The following VWC2 variants were observed in gnomAD, a reference collection of about 807,000 sequenced individuals.
VWC2 encodes the protein von Willebrand factor C domain containing 2.
Under a neutral mutation model 29.8 loss-of-function variants are expected in VWC2, and 14 were observed. The ratio of observed to expected loss-of-function variants is 0.47; its 90% CI spans 0.31 to 0.74. The LOEUF is 0.74. Ranked by LOEUF, VWC2 falls within the 30% of genes least tolerant of loss-of-function variation. VWC2 has a pLI of 0.05. For missense variants in VWC2, 457 were observed against 459.8 expected (o/e 0.99, Z 0.05); for synonymous variants, 213 against 199.0 (o/e 1.07, Z -0.59).
chr7:49,802,242 A>G (rs908965194), intron 2 of VWC2, among the ~76,000 whole-genome samples: 1 of 152,190 alleles, frequency 6.6e-6, no homozygotes, highest in African/African-American at 2.4e-5. Context: ...CAACTCACCA[A>G]ACACCCAGCA....
chr7:49,915,044 T>G lies in VWC2; in HGVS notation c.*2859T>G, dbSNP rs189147711. 6.6e-6 allele frequency: 1 copy of G among 152,220 alleles called. No individual in the cohort carries two copies. Among genetic ancestry groups the G allele is most frequent in the Admixed American group, 6.5e-5 (1 of 15,268 alleles). The allele number at this position is 152,220 out of a possible 1,614,324, so 9.4% of individuals were successfully genotyped here. On this transcript the variant is annotated 3_prime_UTR_variant, in exon 4 of 4. Coordinates refer to ENST00000340652, the MANE Select transcript of VWC2 (RefSeq NM_198570.5). Reference sequence around the variant, plus strand: ...AGATCTGAAAGTATAAAGCTACTTATGTAAGCAATAGAATGGTTCTGGAAA... The same window carrying G: ...AGATCTGAAAGTATAAAGCTACTTAGGTAAGCAATAGAATGGTTCTGGAAA...
intron 3 of VWC2, among the ~76,000 whole-genome samples, chr7:49,844,267 C>A (rs1789866199): frequency 6.6e-6 from 1 of 152,142 alleles, no homozygotes; most frequent in Non-Finnish European, 1.5e-5. Context: ...TGAAGGGCGT[C>A]GATTCTATCC....
intron 3 of VWC2, among the ~76,000 whole-genome samples, chr7:49,835,483 C>A (rs1024550777): frequency 2.6e-5 from 4 of 152,084 alleles, no homozygotes; most frequent in African/African-American, 9.7e-5. Flanking sequence ...TTAAAGAGGG[C>A]AAGACAGATT....
intron 1 of VWC2, among the ~76,000 whole-genome samples, chr7:49,774,611 G>T (rs938325356): frequency 3.3e-5 from 5 of 152,164 alleles, no homozygotes; most frequent in Admixed American, 6.5e-5. Flanking sequence ...ACAAGACTGA[G>T]CGCTGCGGCC....
chr7:49,874,483 A>G (rs2128724455), intron 3 of VWC2, among the ~76,000 whole-genome samples: 1 of 152,256 alleles, frequency 6.6e-6, no homozygotes, highest in East Asian at 1.9e-4. Flanking sequence ...TCACATAACA[A>G]CAAGATCACA....
intron 2 of VWC2, among the ~76,000 whole-genome samples, chr7:49,794,205 G>C (rs933878746): frequency 2.0e-5 from 3 of 152,120 alleles, no homozygotes; most frequent in Non-Finnish European, 4.4e-5. Flanking sequence ...AAGAACTCTG[G>C]TTCCCCTTCT....
chr7:49,808,808 A>T (rs962867146), intron 3 of VWC2, among the ~76,000 whole-genome samples: 1 of 152,046 alleles, frequency 6.6e-6, no homozygotes, highest in Non-Finnish European at 1.5e-5. Context: ...AATCTGAGAG[A>T]TTTTAGAAAA....
intron 3 of VWC2, among the ~76,000 whole-genome samples, chr7:49,831,032 C>T (rs887125938): frequency 6.6e-6 from 1 of 152,174 alleles, no homozygotes; most frequent in Non-Finnish European, 1.5e-5. Flanking sequence ...CCAGCCTCCA[C>T]CCAGACATGA....
chr7:49,906,343 C>CT (rs113516881), intron 3 of VWC2, among the ~76,000 whole-genome samples: 4 of 151,040 alleles, frequency 2.6e-5, no homozygotes, highest in African/African-American at 7.3e-5. Flanking sequence ...AAAATTTTCT[C>CT]TTTTTTTTTG....
intron 3 of VWC2, among the ~76,000 whole-genome samples, chr7:49,868,922 G>A (rs1464585509): frequency 6.6e-6 from 1 of 152,090 alleles, no homozygotes; most frequent in East Asian, 1.9e-4. Context: ...CCTGGCCTGG[G>A]AGATCTTTAA....
At chr7:49,779,759 T>A (rs1183985226) in intron 2 of VWC2, among the ~76,000 whole-genome samples, 1 of 152,224 alleles carries the variant, frequency 6.6e-6, no homozygotes. Flanking sequence ...CATTTCCAAG[T>A]AATCTGGAAG....
chr7:49,789,203 G>GT, intron 2 of VWC2, among the ~76,000 whole-genome samples: 1 of 147,238 alleles, frequency 6.8e-6, no homozygotes, highest in Non-Finnish European at 1.5e-5. Context: ...GTGTGAGTGT[G>GT]GGTGTGTGTG....
chr7:49,802,456 G>A (rs1788761786), intron 2 of VWC2, among the ~76,000 whole-genome samples: 1 of 152,126 alleles, frequency 6.6e-6, no homozygotes. Context: ...TGGCCAACAT[G>A]GTTAAACCCC....
chr7:49,873,310 T>C (rs928242582), intron 3 of VWC2, among the ~76,000 whole-genome samples: 1 of 152,216 alleles, frequency 6.6e-6, no homozygotes, highest in Non-Finnish European at 1.5e-5. Context: ...GCCTGCTTCC[T>C]GGTTCATGGA....
chr7:49,902,696 C>T (rs1318831948), intron 3 of VWC2, among the ~76,000 whole-genome samples: 1 of 151,920 alleles, frequency 6.6e-6, no homozygotes, highest in Non-Finnish European at 1.5e-5. Context: ...GGACGTAGGG[C>T]TTCTTGATGA....
intron 3 of VWC2, among the ~76,000 whole-genome samples, chr7:49,838,490 G>A (rs1407926553): frequency 6.6e-6 from 1 of 151,932 alleles, no homozygotes; most frequent in African/African-American, 2.4e-5. Flanking sequence ...GTGGAGGATG[G>A]GAGCCGGGAG....
rs111854810 is a variant in VWC2 at position 49,864,055 on chromosome 7, T to C, written c.827-47979T>C. ...AAAATTGGAAATCAGACTGCCCTTC[T>C]TCCAGAGGTCTCCTGTTTTTGTTGT... On this transcript the variant is annotated intron_variant, in intron 3 of 3. Coordinates refer to ENST00000340652, the MANE Select transcript of VWC2 (RefSeq NM_198570.5). Among the ~76,000 whole-genome samples, 254 of 152,324 alleles carry C rather than the reference T, an allele frequency of 1.7e-3. 3 individuals carry two copies. The highest frequency in any genetic ancestry group is 5.7e-3 in the African/African-American group (237 of 41,562).
chr7:49,789,204 G>GT, intron 2 of VWC2, among the ~76,000 whole-genome samples: 1 of 146,944 alleles, frequency 6.8e-6, no homozygotes, highest in Non-Finnish European at 1.5e-5. Flanking sequence ...TGTGAGTGTG[G>GT]GTGTGTGTGT....
In VWC2 at chr7:49,834,657, T is replaced by C. The variant is rs552348176; in HGVS notation, c.826+31817T>C. ...GCTGAATATATTTGCCTTTAAAATATCTAGCTTAGTTTGGAAAAAATAAAA... is the reference window on the plus strand; with the variant it reads ...GCTGAATATATTTGCCTTTAAAATACCTAGCTTAGTTTGGAAAAAATAAAA... On this transcript the variant is annotated intron_variant, in intron 3 of 3. Coordinates refer to ENST00000340652, the MANE Select transcript of VWC2 (RefSeq NM_198570.5). Among the ~76,000 whole-genome samples the C allele has an allele frequency of 2.0e-5, 3 of 152,344 alleles. 1 individual carries two copies. Among genetic ancestry groups the C allele is most frequent in the African/African-American group, 4.8e-5 (2 of 41,580 alleles).
Sources: gnomAD v4.1 joint callset for allele counts (sites outside exome capture counted in the v4.1 genomes callset) on GRCh38, gnomAD v4.1.1 for gene constraint, MANE v1.5 for transcripts, NCBI Gene and HGNC (gene_info 2026-07-23, HGNC 2026-07-21) for gene names.